The following CEMIP2 variants were observed in gnomAD, a reference collection of about 807,000 sequenced individuals.
CEMIP2 encodes cell migration inducing hyaluronidase 2, also known as cell surface hyaluronidase CEMIP2.
CEMIP2 carries 79 observed loss-of-function variants against 146.9 expected under a neutral mutation model. That is an observed-to-expected ratio of 0.54 (90% CI 0.45 to 0.65). The LOEUF is 0.65. Among genes scored for constraint, CEMIP2 ranks in the 30% least tolerant of loss-of-function variants. CEMIP2 has a pLI of 0.00. For missense variants in CEMIP2, 1,596 were observed against 1,696.2 expected (o/e 0.94, Z 1.04); for synonymous variants, 601 against 606.3 (o/e 0.99, Z 0.13).
intron 16 of CEMIP2, among the ~76,000 whole-genome samples, chr9:71,711,425 C>A (rs1822902026): frequency 6.6e-6 from 1 of 151,152 alleles, no homozygotes; most frequent in African/African-American, 2.4e-5. Flanking sequence ...TTTTAAGTAG[C>A]CAGATGTGGT....
At chr9:71,729,752 C>T (rs1312576464) in intron 10 of CEMIP2, 93 bp downstream of exon 10, 2 of 1,233,302 alleles carry the variant, frequency 1.6e-6, no homozygotes, top group South Asian at 1.3e-5. Flanking sequence ...GCTTGGGTTA[C>T]ACTGGCACAC....
In CEMIP2 at chr9:71,760,166, T is replaced by C. The variant is rs995567879; in HGVS notation, c.-13+8191A>G. On this transcript the variant is annotated intron_variant, in intron 1 of 23. Coordinates refer to ENST00000377044, the MANE Select transcript of CEMIP2 (RefSeq NM_013390.3). ...TAAAAAACTATAGTTAGGAAATAAATCTCTGGAAAAACAAAAATTAACTAT... is the reference window on the plus strand; with the variant it reads ...TAAAAAACTATAGTTAGGAAATAAACCTCTGGAAAAACAAAAATTAACTAT... Among the ~76,000 whole-genome samples, 7 of 152,302 alleles carry C rather than the reference T, an allele frequency of 4.6e-5. No individual in the cohort carries two copies. In the South Asian group the frequency reaches 1.4e-3, roughly 32 times the overall value.
At chr9:71,767,706 CT>C (rs1398142324) in intron 1 of CEMIP2, among the ~76,000 whole-genome samples, 5 of 152,342 alleles carry the variant, frequency 3.3e-5, no homozygotes, top group South Asian at 2.1e-4. Context: ...TCTCCCAACT[CT>C]GCAGAGAAAA....
In CEMIP2 at chr9:71,685,392, C is replaced by T; in HGVS notation, c.3957G>A (p.Gly1319=). Residue 1319 remains glycine (G), a splice_region_variant and synonymous_variant, in exon 24 of 24, where the codon GGG becomes GGA. Transcript: ENST00000377044. ...CACTGAATCCCAAAAATATGGTACT[C>T]CCTAAAAAAAAAAAAAAAAAAGAAA... ...LAKPAHLYDK[G]STIFLGFSGN... is the part of the protein sequence containing the mutation. 1 of 1,308,896 alleles carries T rather than the reference C, an allele frequency of 7.6e-7. No individual in the cohort carries two copies. Among genetic ancestry groups the T allele is most frequent in the Non-Finnish European group, 9.7e-7 (1 of 1,034,978 alleles). 81.1% of individuals were successfully genotyped at this position (1,308,896 alleles called of 1,614,324 possible).
intron 21 of CEMIP2, among the ~76,000 whole-genome samples, chr9:71,693,030 G>T (rs1822279538): frequency 6.6e-6 from 1 of 152,156 alleles, no homozygotes; most frequent in Non-Finnish European, 1.5e-5. Flanking sequence ...GGATGGTAGT[G>T]ATGGTTGTAC....
intron 18 of CEMIP2, among the ~76,000 whole-genome samples, chr9:71,701,086 A>AT (rs889100206): frequency 3.3e-5 from 5 of 151,846 alleles, no homozygotes; most frequent in Admixed American, 6.6e-5. Flanking sequence ...AGCCTTTACA[A>AT]TTTTTTTTGT....
chr9:71,737,583 T>A (rs1290749596), intron 5 of CEMIP2, among the ~76,000 whole-genome samples: 1 of 152,136 alleles, frequency 6.6e-6, no homozygotes, highest in Non-Finnish European at 1.5e-5. Context: ...ATGGTCCCAC[T>A]ATGTTGCCCA....
chr9:71,749,397 C>A (rs544519117), intron 2 of CEMIP2, among the ~76,000 whole-genome samples: 1 of 151,472 alleles, frequency 6.6e-6, no homozygotes, highest in Non-Finnish European at 1.5e-5. Context: ...GTTCACTATA[C>A]GTATGACTAA....
At chr9:71,724,783 A>G (rs1372589802) in intron 11 of CEMIP2, among the ~76,000 whole-genome samples, 2 of 152,226 alleles carry the variant, frequency 1.3e-5, no homozygotes, top group African/African-American at 2.4e-5. Context: ...TATAATTAGT[A>G]TAATGCCTAA....
Position 71,712,254 on chromosome 9 carries a change from G to A in CEMIP2, c.2598C>T (p.Phe866=), listed in dbSNP as rs759843480. 4 of 1,613,820 alleles carry A rather than the reference G, an allele frequency of 2.5e-6. No individual in the cohort carries two copies. In the African/African-American group the frequency reaches 5.3e-5, roughly 22 times the overall value. The change falls in exon 16 of 24, where the codon TTC becomes TTT. Residue 866 remains phenylalanine, a synonymous_variant. Coordinates refer to ENST00000377044, the MANE Select transcript of CEMIP2 (RefSeq NM_013390.3). ...KPRTLPRNRT[F]PIRGFQIYDG... Reference sequence around the variant, plus strand: ...CATAAATCTGAAAGCCTCTAATTGGGAACGTCCTGTGGAAATACAAGATTT... The same window carrying A: ...CATAAATCTGAAAGCCTCTAATTGGAAACGTCCTGTGGAAATACAAGATTT...
intron 1 of CEMIP2, among the ~76,000 whole-genome samples, chr9:71,756,506 T>TCTCTCACACACACA (rs1010879160): frequency 5.3e-5 from 6 of 112,496 alleles, no homozygotes; most frequent in African/African-American, 2.0e-4. Context: ...TCTCTCTCTC[T>TCTCTCACACACACA]CACACACACA....
intron 22 of CEMIP2, among the ~76,000 whole-genome samples, chr9:71,689,459 G>T (rs1228487016): frequency 2.6e-5 from 4 of 152,176 alleles, no homozygotes; most frequent in African/African-American, 4.8e-5. Flanking sequence ...AAAAAGAAAG[G>T]TTTCTCTCCT....
At chr9:71,722,606 C>A in intron 11 of CEMIP2, 91 bp from the exon 12 acceptor site, 1 of 983,710 alleles carries the variant, frequency 1.0e-6, no homozygotes, top group Admixed American at 2.9e-5. Context: ...TTTAGCTTAT[C>A]ACTTCTACCA....
At position 71,698,213 on chromosome 9, in the gene CEMIP2, A is replaced by C. The variant is rs1316432210; in HGVS notation, c.3378-9T>G. ...GATACAAAAACAGTAACCTGCACAA[A>C]ACAGAAACCAATCCATGTAGTTAGA... On this transcript the variant is annotated splice_polypyrimidine_tract_variant and intron_variant, in intron 19 of 23. Coordinates refer to ENST00000377044, the MANE Select transcript of CEMIP2 (RefSeq NM_013390.3). The C allele has an allele frequency of 8.1e-6, 13 of 1,612,384 alleles. No homozygotes were observed. The highest frequency in any genetic ancestry group is 1.1e-5 in the Non-Finnish European group (13 of 1,178,764).
chr9:71,695,029 C>T (rs1450904380), intron 20 of CEMIP2, among the ~76,000 whole-genome samples: 1 of 152,124 alleles, frequency 6.6e-6, no homozygotes, highest in Non-Finnish European at 1.5e-5. Flanking sequence ...CGTTTACTAA[C>T]TTTGAACATG....
chr9:71,740,256 A>T (rs1296013658), intron 4 of CEMIP2, 24 bp from the exon 5 acceptor site: 2 of 1,608,524 alleles, frequency 1.2e-6, no homozygotes, highest in Non-Finnish European at 1.7e-6. Context: ...GAGCATGTGC[A>T]TTTGATTACT....
chr9:71,734,713 G>GT (rs1182246562), intron 6 of CEMIP2, 93 bp downstream of exon 6: 1 of 1,138,470 alleles, frequency 8.8e-7, no homozygotes, highest in African/African-American at 1.5e-5. Context: ...GGTGGTGGTA[G>GT]TGATGGTAGT....
chr9:71,717,900 A>G, intron 13 of CEMIP2, 48 bp downstream of exon 13: 1 of 1,530,596 alleles, frequency 6.5e-7, no homozygotes, highest in Non-Finnish European at 8.8e-7. Context: ...AAATCTGAAA[A>G]ATAATACATC....
chr9:71,701,765 C>CT (rs1563998760), intron 18 of CEMIP2, among the ~76,000 whole-genome samples: 1 of 152,006 alleles, frequency 6.6e-6, no homozygotes, highest in African/African-American at 2.4e-5. Context: ...AACATTTCCA[C>CT]TTTTTATCAT....
Sources: gnomAD v4.1 joint callset for allele counts (sites outside exome capture counted in the v4.1 genomes callset) on GRCh38, gnomAD v4.1.1 for gene constraint, MANE v1.5 for transcripts, NCBI Gene and HGNC (gene_info 2026-07-23, HGNC 2026-07-21) for gene names.